Variants in CRYZL1 observed in about 807,000 individuals in gnomAD.
CRYZL1 encodes ferry endosomal RAB5 effector complex subunit 4.
CRYZL1 carries 34 observed loss-of-function variants against 50.6 expected under a neutral mutation model. The ratio of observed to expected loss-of-function variants is 0.67; its 90% CI spans 0.51 to 0.89. The LOEUF is 0.89. Among genes scored for constraint, CRYZL1 ranks in the 40% least tolerant of loss-of-function variants. The probability of loss-of-function intolerance (pLI) is 0.00; values close to 1 mark genes in which losing one functional copy is unlikely to be tolerated. For synonymous variants in CRYZL1, 125 were observed against 134.3 expected (o/e 0.93, Z 0.48); for missense variants, 354 against 402.3 (o/e 0.88, Z 1.03).
At chr21:33,630,829 C>T (rs1302679062) in intron 2 of CRYZL1, among the ~76,000 whole-genome samples, 3 of 152,148 alleles carry the variant, frequency 2.0e-5, no homozygotes, top group African/African-American at 7.2e-5. Context: ...AGAGTAAAAT[C>T]CTGTCATTTG....
chr21:33,600,999 C>G (rs1376037685), intron 8 of CRYZL1, among the ~76,000 whole-genome samples: 37 of 138,618 alleles, frequency 2.7e-4, no homozygotes, highest in Non-Finnish European at 3.6e-4. Context: ...TGCACTGACA[C>G]GATCTCGGCT....
At chr21:33,599,619 T>C (rs747575182) in intron 8 of CRYZL1, among the ~76,000 whole-genome samples, 2 of 135,344 alleles carry the variant, frequency 1.5e-5, no homozygotes, top group Non-Finnish European at 3.1e-5. Context: ...CGACATGAAA[T>C]GGAAGATTAA....
At chr21:33,595,658 A>C in intron 11 of CRYZL1, 73 bp downstream of exon 11, 1 of 1,589,078 alleles carries the variant, frequency 6.3e-7, no homozygotes, top group Non-Finnish European at 8.6e-7. Flanking sequence ...ATTATTTCCT[A>C]TTATCGTAAT....
chr21:33,640,625 T>A (rs1009950642), intron 1 of CRYZL1, among the ~76,000 whole-genome samples: 2 of 152,182 alleles, frequency 1.3e-5, no homozygotes, highest in African/African-American at 4.8e-5. Flanking sequence ...ACATCTCAAT[T>A]ACAGAGAATC....
Position 33,589,782 on chromosome 21 carries a change from G to T in CRYZL1, c.*40C>A. Reference sequence around the variant, plus strand: ...AAAGAAAATTCTGGCTTCAAATACTGGAATATGTTCATCCGACTGAGGTCT... The same window carrying T: ...AAAGAAAATTCTGGCTTCAAATACTTGAATATGTTCATCCGACTGAGGTCT... On this transcript the variant is annotated 3_prime_UTR_variant, in exon 13 of 13. Transcript: ENST00000381554. 7.8e-7 allele frequency: 1 copy of T among 1,279,840 alleles called. No homozygotes were observed. Among genetic ancestry groups the T allele is most frequent in the Non-Finnish European group, 1.1e-6 (1 of 884,572 alleles). The allele number at this position is 1,279,840 out of a possible 1,614,324, so 79.3% of individuals were successfully genotyped here.
chr21:33,626,072 G>T (rs141558779), intron 2 of CRYZL1, among the ~76,000 whole-genome samples: 1 of 152,008 alleles, frequency 6.6e-6, no homozygotes, highest in African/African-American at 2.4e-5. Flanking sequence ...TCCTGCCTCA[G>T]CCTCCTGAGT....
chr21:33,614,631 G>C (rs911269202), intron 5 of CRYZL1, among the ~76,000 whole-genome samples: 3 of 152,072 alleles, frequency 2.0e-5, no homozygotes, highest in African/African-American at 7.2e-5. Context: ...GAGTGCAATG[G>C]CGCGATCTCA....
chr21:33,608,419 C>T (rs1186907983), intron 6 of CRYZL1, among the ~76,000 whole-genome samples: 1 of 152,218 alleles, frequency 6.6e-6, no homozygotes, highest in Admixed American at 6.5e-5. Context: ...CACGCCATTG[C>T]ACTCCAGCCT....
chr21:33,621,301 T>C (rs2086997735), intron 4 of CRYZL1, among the ~76,000 whole-genome samples: 1 of 148,010 alleles, frequency 6.8e-6, no homozygotes, highest in Non-Finnish European at 1.5e-5. Flanking sequence ...TGACAGCTGA[T>C]GAACCAAAAA....
chr21:33,620,374 T>C (rs2086980311), intron 4 of CRYZL1, among the ~76,000 whole-genome samples: 1 of 152,202 alleles, frequency 6.6e-6, no homozygotes, highest in Non-Finnish European at 1.5e-5. Flanking sequence ...AGATCATTAT[T>C]TCATCATAAA....
chr21:33,631,448 TACAC>T (rs770114043), intron 2 of CRYZL1, 34 bp downstream of exon 2: 1 of 1,415,474 alleles, frequency 7.1e-7, no homozygotes, highest in Admixed American at 2.6e-5. Context: ...CAGATAAAAA[TACAC>T]TAACTACTTT....
At chr21:33,590,281 T>A (rs1380952447) in intron 12 of CRYZL1, among the ~76,000 whole-genome samples, 2 of 152,122 alleles carry the variant, frequency 1.3e-5, no homozygotes, top group African/African-American at 4.8e-5. Context: ...CCTCCCAAAG[T>A]GCTGGGATTA....
chr21:33,638,278 T>C (rs1014545866), intron 1 of CRYZL1, among the ~76,000 whole-genome samples: 8 of 148,804 alleles, frequency 5.4e-5, no homozygotes, highest in Non-Finnish European at 7.4e-5. Flanking sequence ...AGCTGCATAA[T>C]CTTGGCTCAC....
At chr21:33,620,468 G>A (rs1419259569) in intron 4 of CRYZL1, among the ~76,000 whole-genome samples, 5 of 151,708 alleles carry the variant, frequency 3.3e-5, no homozygotes, top group Admixed American at 2.6e-4. Flanking sequence ...ACTGTAATAA[G>A]CTCTTCACTT....
At chr21:33,626,696 C>CAA (rs1364493644) in intron 2 of CRYZL1, among the ~76,000 whole-genome samples, 15 of 75,636 alleles carry the variant, frequency 2.0e-4, no homozygotes, top group African/African-American at 6.0e-4. Flanking sequence ...GACCCTGTCT[C>CAA]AAAAAAAAAA....
At chr21:33,619,806 T>C (rs1031277955) in intron 4 of CRYZL1, among the ~76,000 whole-genome samples, 11 of 152,230 alleles carry the variant, frequency 7.2e-5, no homozygotes, top group Admixed American at 2.0e-4. Flanking sequence ...CTTATACACA[T>C]CCCACTTTCA....
chr21:33,595,390 GT>G, intron 11 of CRYZL1: 1 of 1,320,410 alleles, frequency 7.6e-7, no homozygotes, highest in Non-Finnish European at 1.0e-6. Context: ...TTAATGTGAG[GT>G]TAAAAACAAA....
chr21:33,600,159 T>G (rs191539345), intron 8 of CRYZL1, among the ~76,000 whole-genome samples: 43 of 152,240 alleles, frequency 2.8e-4, no homozygotes, highest in Non-Finnish European at 8.8e-5. Context: ...AATATGGTAA[T>G]TATCTACTAG....
intron 8 of CRYZL1, among the ~76,000 whole-genome samples, chr21:33,599,623 A>G (rs1360795445): frequency 8.8e-6 from 1 of 113,436 alleles, no homozygotes; most frequent in African/African-American, 3.5e-5. Context: ...ATGAAATGGA[A>G]GATTAAGTCA....
Sources: gnomAD v4.1 joint callset for allele counts (sites outside exome capture counted in the v4.1 genomes callset) on GRCh38, gnomAD v4.1.1 for gene constraint, MANE v1.5 for transcripts, NCBI Gene and HGNC (gene_info 2026-07-23, HGNC 2026-07-21) for gene names.